SP3: variants seen among roughly 807,000 people sequenced by gnomAD.
SP3 encodes the protein transcription factor Sp3.
A neutral mutation model predicts 70.3 loss-of-function variants in SP3; 10 were observed. That is an observed-to-expected ratio of 0.14 (90% CI 0.09 to 0.24). The LOEUF (loss-of-function observed/expected upper bound fraction) is 0.24. Among genes scored for constraint, SP3 ranks in the 10% least tolerant of loss-of-function variants. SP3 has a pLI of 1.00. For missense variants in SP3, 825 were observed against 914.6 expected (o/e 0.90, Z 1.26); for synonymous variants, 402 against 333.5 (o/e 1.21, Z -2.24).
At chr2:173,926,013 G>A (rs1689899882) in intron 4 of SP3, among the ~76,000 whole-genome samples, 1 of 152,162 alleles carries the variant, frequency 6.6e-6, no homozygotes, top group African/African-American at 2.4e-5. Context: ...CATCTTAAAG[G>A]TAGACTGAAT....
At position 173,964,473 on chromosome 2, in the gene SP3, G is replaced by GGCC. The variant is rs763095895; in HGVS notation, c.85_87dup (p.Gly29dup). 342 of 707,796 alleles carry GGCC rather than the reference G, an allele frequency of 4.8e-4. No individual in the cohort carries two copies. Among genetic ancestry groups the GGCC allele is most frequent in the East Asian group, 1.4e-3 (51 of 35,348 alleles). 43.8% of individuals were successfully genotyped at this position (707,796 alleles called of 1,614,324 possible). A position where few individuals can be genotyped will look rare whatever the true frequency, so the allele number is the denominator to read the frequency against. On this transcript the variant is annotated inframe_insertion, in exon 2 of 7. Coordinates refer to ENST00000310015, the MANE Select transcript of SP3 (RefSeq NM_003111.5). ...TGCTGCTGCTGCAGATACTCGCCGT[G>GGCC]GCCGCCGCCGCCGCCACCGCCGCCG...
At chr2:173,943,987 T>C (rs1690455981) in intron 4 of SP3, among the ~76,000 whole-genome samples, 2 of 152,192 alleles carry the variant, frequency 1.3e-5, no homozygotes, top group Non-Finnish European at 2.9e-5. Context: ...GTAAACATGA[T>C]GGTATGTATC....
At position 173,943,260 on chromosome 2, in the gene SP3, CT is replaced by C. The variant is rs148744572; in HGVS notation, c.1639+11612del. Among the ~76,000 whole-genome samples, 885 of 152,310 alleles carry C rather than the reference CT, an allele frequency of 5.8e-3. 8 individuals carry two copies. Among genetic ancestry groups the C allele is most frequent in the African/African-American group, 0.02 (832 of 41,566 alleles). On this transcript the variant is annotated intron_variant, in intron 4 of 6. Transcript: ENST00000310015. ...TACCATGGCGTATATTATCTGGCCC[CT>C]GACTGATTCCAATCTTATTTTCTAA...
At chr2:173,932,808 CGGTGAAACCCCGTCTCTACTAAAA>C (rs1690102831) in intron 4 of SP3, among the ~76,000 whole-genome samples, 2 of 151,944 alleles carry the variant, frequency 1.3e-5, no homozygotes, top group Non-Finnish European at 2.9e-5. Context: ...CTGGCTGACA[CGGTGAAACCCCGTCTCTACTAAAA>C]ATACAAAACA....
chr2:173,950,173 T>A (rs1353955520), intron 4 of SP3, among the ~76,000 whole-genome samples: 1 of 151,892 alleles, frequency 6.6e-6, no homozygotes, highest in Non-Finnish European at 1.5e-5. Flanking sequence ...TTCTAAAGGA[T>A]AAGGAGTAGT....
intron 6 of SP3, 78 bp from the exon 7 acceptor site, chr2:173,910,335 G>C: frequency 8.1e-7 from 1 of 1,227,460 alleles, no homozygotes; most frequent in Non-Finnish European, 1.2e-6. Context: ...AAAACAGAAA[G>C]TAAGTCAACG....
rs1420961472 is a variant in SP3 at position 173,902,528 on chromosome 2, TC to T, written c.*7412del. On this transcript the variant is annotated 3_prime_UTR_variant, in exon 7 of 7. Transcript: ENST00000310015. ...TACACAAGGAAATATGTCAATTATT[TC>T]ATTGCAGCATTGTTTATAAGTCAAA... Among the ~76,000 whole-genome samples, 1 of 152,250 alleles carries T rather than the reference TC, an allele frequency of 6.6e-6. No individual in the cohort carries two copies. The highest frequency in any genetic ancestry group is 1.5e-5 in the Non-Finnish European group (1 of 68,040).
chr2:173,953,490 T>G (rs759180842), intron 4 of SP3, among the ~76,000 whole-genome samples: 4 of 150,188 alleles, frequency 2.7e-5, no homozygotes, highest in Non-Finnish European at 5.9e-5. Context: ...ACACCTGTAA[T>G]CCCAGCACTT....
At chr2:173,933,636 CT>C (rs1256796536) in intron 4 of SP3, among the ~76,000 whole-genome samples, 5 of 32,830 alleles carry the variant, frequency 1.5e-4, no homozygotes, top group Middle Eastern at 0.019. Context: ...ATTTATAAAA[CT>C]TTATATATAT....
At chr2:173,927,681 T>C (rs1052580435) in intron 4 of SP3, among the ~76,000 whole-genome samples, 1 of 152,254 alleles carries the variant, frequency 6.6e-6, no homozygotes. Flanking sequence ...TTAAGCTTTA[T>C]AAAGTATTTT....
rs1205507839 is a variant in SP3 at position 173,907,914 on chromosome 2, T to C, written c.*2027A>G. On this transcript the variant is annotated 3_prime_UTR_variant, in exon 7 of 7. Transcript: ENST00000310015. ...TAGAAAAACTGTCCATGTTTATGCG[T>C]GTCTAGAGTTCTCCAATGCAATCAG... The C allele has an allele frequency of 6.6e-6, 1 of 152,122 alleles. No individual in the cohort carries two copies. Among genetic ancestry groups the C allele is most frequent in the Admixed American group, 6.6e-5 (1 of 15,264 alleles). 9.4% of individuals were successfully genotyped at this position (152,122 alleles called of 1,614,324 possible).
chr2:173,955,091 A>C lies in SP3; in HGVS notation c.1421T>G (p.Leu474Trp). ...QTFQVQGVQN[L>W]QNLQIQNTAA... Reference sequence around the variant, plus strand: ...AGTATTCTGTATTTGCAAATTCTGCAAGTTCTGGACCCCTTGTACTTGAAA... The same window carrying C: ...AGTATTCTGTATTTGCAAATTCTGCCAGTTCTGGACCCCTTGTACTTGAAA... Residue 474 changes from leucine to tryptophan, a missense_variant, in exon 4 of 7, where the codon TTG (leucine) becomes TGG (tryptophan). Leu to Trp is a moderately conservative substitution (Grantham distance 61). Around this residue, in one of 4 missense-constraint regions of SP3, gnomAD observed 678 missense variants for 651.6 expected, o/e 1.04. Coordinates refer to ENST00000310015, the MANE Select transcript of SP3 (RefSeq NM_003111.5). 1 of 1,614,212 alleles carries C rather than the reference A, an allele frequency of 6.2e-7. No homozygotes were observed. Among genetic ancestry groups the C allele is most frequent in the Non-Finnish European group, 8.5e-7 (1 of 1,180,032 alleles).
chr2:173,910,060 C>A lies in SP3; in HGVS notation c.2227G>T (p.Gly743Cys). Residue 743 changes from glycine to cysteine, a missense_variant, in exon 7 of 7, where the codon GGT becomes TGT. Around this residue, in one of 4 missense-constraint regions of SP3, gnomAD observed 91 missense variants for 97.4 expected, o/e 0.93. Transcript: ENST00000310015. ...TTLILANIQQ[G>C]SVSGIGTVNT... is the part of the protein sequence containing the mutation. ...ACAGTTCCTATCCCTGAAACAGAACCTTGTTGAATATTTGCAAGGATAAGC... is the reference window on the plus strand; with the variant it reads ...ACAGTTCCTATCCCTGAAACAGAACATTGTTGAATATTTGCAAGGATAAGC... The A allele has an allele frequency of 6.2e-7, 1 of 1,612,780 alleles. No homozygotes were observed. The highest frequency in any genetic ancestry group is 8.5e-7 in the Non-Finnish European group (1 of 1,179,504).
At chr2:173,911,963 T>A (rs1574395757) in intron 6 of SP3, among the ~76,000 whole-genome samples, 1 of 151,888 alleles carries the variant, frequency 6.6e-6, no homozygotes, top group South Asian at 2.1e-4. Flanking sequence ...GGACTACAGG[T>A]ACACACCATC....
At position 173,955,273 on chromosome 2, in the gene SP3, C is replaced by T; in HGVS notation, c.1239G>A (p.Val413=). 1 of 1,614,082 alleles carries T rather than the reference C, an allele frequency of 6.2e-7. No individual in the cohort carries two copies. The highest frequency in any genetic ancestry group is 8.5e-7 in the Non-Finnish European group (1 of 1,180,006). ...GGATTGTCTGTGGTGTAATACCTTGCACAATTTGGGCTTGACTGGTTGGCT... is the reference window on the plus strand; with the variant it reads ...GGATTGTCTGTGGTGTAATACCTTGTACAATTTGGGCTTGACTGGTTGGCT... ...SQQPTSQAQI[V]QGITPQTIHG... is the part of the protein sequence containing the mutation. The change falls in exon 4 of 7, where the codon GTG becomes GTA. Residue 413 remains valine (V), a synonymous_variant. Transcript: ENST00000310015.
At chr2:173,919,713 G>C (rs951906294) in intron 4 of SP3, among the ~76,000 whole-genome samples, 1 of 152,128 alleles carries the variant, frequency 6.6e-6, no homozygotes, top group Non-Finnish European at 1.5e-5. Flanking sequence ...CGTACAGACT[G>C]TTGGCAAAGA....
Position 173,954,904 on chromosome 2 carries a change from T to A in SP3, c.1608A>T (p.Leu536=). ...GACTGTCAGCATTCTCTCCTGGATG[T>A]AGCTGTATACCAGCAGAATCTATAG... ...VNSIDSAGIQ[L]HPGENADSPA... Residue 536 remains leucine, a synonymous_variant, in exon 4 of 7, where the codon CTA becomes CTT. Coordinates refer to ENST00000310015, the MANE Select transcript of SP3 (RefSeq NM_003111.5). The A allele has an allele frequency of 1.2e-6, 2 of 1,614,044 alleles. No homozygotes were observed. The highest frequency in any genetic ancestry group is 2.2e-5 in the East Asian group (1 of 44,880).
chr2:173,937,659 T>G (rs1473297262), intron 4 of SP3, among the ~76,000 whole-genome samples: 1 of 152,146 alleles, frequency 6.6e-6, no homozygotes, highest in Non-Finnish European at 1.5e-5. Context: ...TAATCCAAAT[T>G]TTCTACTCAT....
chr2:173,920,596 A>C lies in SP3; in HGVS notation c.1640-1811T>G, dbSNP rs536696287. Among the ~76,000 whole-genome samples the C allele has an allele frequency of 8.6e-5, 13 of 151,492 alleles. No homozygotes were observed. In the South Asian group the frequency reaches 2.1e-3, roughly 24 times the overall value. On this transcript the variant is annotated intron_variant, in intron 4 of 6. Transcript: ENST00000310015. ...CTAAGCATCTCAACTGCTCTTTAAA[A>C]ATTTATTTATTTATTTATTTATTTA...
Sources: gnomAD v4.1 joint callset for allele counts (sites outside exome capture counted in the v4.1 genomes callset) on GRCh38, gnomAD v4.1.1 for gene constraint, gnomAD v4.1.1 regional missense constraint, MANE v1.5 for transcripts, NCBI Gene and HGNC (gene_info 2026-07-23, HGNC 2026-07-21) for gene names.